The following TMEM161B variants were observed in gnomAD, a reference collection of about 807,000 sequenced individuals.
TMEM161B encodes the protein transmembrane protein 161B.
TMEM161B carries 34 observed loss-of-function variants against 61.8 expected under a neutral mutation model. The observed-to-expected ratio is 0.55, with a 90% CI of 0.42 to 0.73. TMEM161B has a LOEUF of 0.73. Among genes scored for constraint, TMEM161B ranks in the 30% least tolerant of loss-of-function variants. The probability of loss-of-function intolerance (pLI) is 0.00; values close to 1 mark genes in which losing one functional copy is unlikely to be tolerated. For missense variants in TMEM161B, 456 were observed against 558.5 expected, an observed-to-expected ratio of 0.82 and a Z score of 1.85; for synonymous variants, 167 against 192.8, an observed-to-expected ratio of 0.87 and a Z score of 1.11.
chr5:88,235,254 A>C (rs940316128), intron 2 of TMEM161B, among the ~76,000 whole-genome samples: 1 of 152,222 alleles, frequency 6.6e-6, no homozygotes, highest in African/African-American at 2.4e-5. Flanking sequence ...TTAGAAATTT[A>C]AAATAGAAAC....
chr5:88,239,775 A>G (rs765557764), intron 2 of TMEM161B, among the ~76,000 whole-genome samples: 1 of 152,046 alleles, frequency 6.6e-6, no homozygotes, highest in African/African-American at 2.4e-5. Flanking sequence ...TAGAAAATAA[A>G]TTATGTGAAG....
intron 5 of TMEM161B, among the ~76,000 whole-genome samples, chr5:88,214,017 G>A (rs989404693): frequency 3.3e-5 from 5 of 152,078 alleles, no homozygotes; most frequent in African/African-American, 1.2e-4. Context: ...TTTAGAAATG[G>A]TGACTAAGTT....
At chr5:88,206,963 C>G in intron 6 of TMEM161B, 66 bp downstream of exon 6, 1 of 1,414,524 alleles carries the variant, frequency 7.1e-7, no homozygotes, top group Non-Finnish European at 9.8e-7. Context: ...AACTTAAATA[C>G]TGAAGTCAAA....
At chr5:88,262,717 A>G (rs779546180) in intron 1 of TMEM161B, among the ~76,000 whole-genome samples, 2 of 152,158 alleles carry the variant, frequency 1.3e-5, no homozygotes, top group Non-Finnish European at 2.9e-5. Flanking sequence ...AATGAACCCC[A>G]AAGTACACTA....
chr5:88,225,807 T>A lies in TMEM161B; in HGVS notation c.251A>T (p.His84Leu). ...PLTIPKDIDL[H>L]LETKSVTEVD... ...TTCTGTAACTGACTTTGTTTCTAGA[T>A]GAAGGTCAATATCCTTTGGAATGGT... Residue 84 changes from histidine (H) to leucine (L), a missense_variant, in exon 4 of 12, where the codon CAT becomes CTT. Physicochemically the swap from His to Leu is moderately conservative, Grantham distance 99 (BLOSUM62 -3). Transcript: ENST00000296595. 6.2e-7 allele frequency: 1 copy of A among 1,611,570 alleles called. No homozygotes were observed. Among genetic ancestry groups the A allele is most frequent in the Non-Finnish European group, 8.5e-7 (1 of 1,178,786 alleles).
chr5:88,203,642 T>C (rs1395809479), intron 8 of TMEM161B, among the ~76,000 whole-genome samples: 1 of 151,232 alleles, frequency 6.6e-6, no homozygotes, highest in Non-Finnish European at 1.5e-5. Flanking sequence ...TTTTAACGTG[T>C]AATGATCATT....
Position 88,222,839 on chromosome 5 carries a change from A to G in TMEM161B, c.290-2120T>C, listed in dbSNP as rs565980553. Among the ~76,000 whole-genome samples, 4 of 152,318 alleles carry G rather than the reference A, an allele frequency of 2.6e-5. No individual in the cohort carries two copies. The South Asian group carries it at 8.3e-4, about 32-fold the overall frequency. Reference sequence around the variant, plus strand: ...CAAGTGTTATATTCCTTGTGTAATCAATAATACAATTATATATATGCCTTT... The same window carrying G: ...CAAGTGTTATATTCCTTGTGTAATCGATAATACAATTATATATATGCCTTT... On this transcript the variant is annotated intron_variant, in intron 4 of 11. Coordinates refer to ENST00000296595, the MANE Select transcript of TMEM161B (RefSeq NM_153354.5).
At chr5:88,216,424 C>T (rs926683449) in intron 5 of TMEM161B, among the ~76,000 whole-genome samples, 4 of 152,178 alleles carry the variant, frequency 2.6e-5, no homozygotes, top group Admixed American at 2.6e-4. Flanking sequence ...GGTATTTTCA[C>T]ATATTTAATA....
At chr5:88,265,956 A>G (rs1023151618) in intron 1 of TMEM161B, among the ~76,000 whole-genome samples, 1 of 152,228 alleles carries the variant, frequency 6.6e-6, no homozygotes, top group Non-Finnish European at 1.5e-5. Flanking sequence ...AATGGTAGAA[A>G]GATTTATATT....
chr5:88,217,422 G>A (rs1748062371), intron 5 of TMEM161B, among the ~76,000 whole-genome samples: 1 of 152,078 alleles, frequency 6.6e-6, no homozygotes, highest in Admixed American at 6.6e-5. Flanking sequence ...AACAGAATGA[G>A]GAACCTCAAT....
intron 4 of TMEM161B, among the ~76,000 whole-genome samples, chr5:88,223,122 C>T (rs986731663): frequency 1.0e-4 from 11 of 108,476 alleles, no homozygotes; most frequent in Admixed American, 2.4e-4. Flanking sequence ...GCTACAATAC[C>T]CTAAATTCAT....
At chr5:88,202,829 C>G in intron 9 of TMEM161B, 133 bp downstream of exon 9, 2 of 713,160 alleles carry the variant, frequency 2.8e-6, no homozygotes, top group Non-Finnish European at 5.0e-6. Context: ...TTTTCTAACA[C>G]ATCTTTTAGC....
intron 1 of TMEM161B, chr5:88,250,674 C>T (rs1754221386): frequency 6.6e-6 from 1 of 152,148 alleles, no homozygotes; most frequent in East Asian, 1.9e-4. Context: ...AGACATCTTC[C>T]AGTAACTGTT....
chr5:88,207,704 T>TCACC (rs2112428313), intron 5 of TMEM161B, among the ~76,000 whole-genome samples: 1 of 152,258 alleles, frequency 6.6e-6, no homozygotes, highest in East Asian at 1.9e-4. Context: ...TTCAACATGT[T>TCACC]CACCTATTAA....
chr5:88,246,169 C>A (rs1753591954), intron 1 of TMEM161B, among the ~76,000 whole-genome samples: 1 of 151,458 alleles, frequency 6.6e-6, no homozygotes, highest in African/African-American at 2.4e-5. Context: ...AATAATTTCC[C>A]AAAACATCAT....
downstream of TMEM161B, among the ~76,000 whole-genome samples, chr5:88,190,900 A>C (rs969179081): frequency 6.6e-6 from 1 of 152,136 alleles, no homozygotes; most frequent in African/African-American, 2.4e-5. Flanking sequence ...AGTGTACATT[A>C]TTCTTTTATT....
At chr5:88,206,609 G>C (rs994854921) in intron 6 of TMEM161B, 110 bp from the exon 7 acceptor site, 1 of 1,099,466 alleles carries the variant, frequency 9.1e-7, no homozygotes, top group Non-Finnish European at 1.3e-6. Flanking sequence ...AAATTTTGAA[G>C]TGACTAGCTT....
At chr5:88,231,035 A>C (rs534619081) in intron 2 of TMEM161B, among the ~76,000 whole-genome samples, 104 of 152,294 alleles carry the variant, frequency 6.8e-4, no homozygotes, top group African/African-American at 2.4e-3. Context: ...AACTCAAAAA[A>C]ACTCTGGACT....
intron 9 of TMEM161B, chr5:88,202,093 T>G (rs939734317): frequency 2.2e-6 from 1 of 452,990 alleles, no homozygotes; most frequent in Admixed American, 2.4e-5. Flanking sequence ...AATGATAACC[T>G]TGTGAGTTAG....
Sources: allele counts gnomAD v4.1 joint callset (sites outside exome capture counted in the v4.1 genomes callset), GRCh38; gene constraint gnomAD v4.1.1; transcripts MANE v1.5; gene names NCBI Gene and HGNC (gene_info 2026-07-23, HGNC 2026-07-21).